Variants in PCTP observed in about 807,000 individuals in gnomAD.
PCTP encodes START domain-containing protein 2.
Under a neutral mutation model 31.0 loss-of-function variants are expected in PCTP, and 27 were observed. That is an observed-to-expected ratio of 0.87 (90% CI 0.64 to 1.20). PCTP has a LOEUF of 1.20. Ranked by LOEUF, PCTP falls within the 50% of genes most tolerant of loss-of-function variation. The pLI is 0.00. For missense variants in PCTP, 287 were observed against 268.2 expected (o/e 1.07, Z -0.49); for synonymous variants, 108 against 101.2 (o/e 1.07, Z -0.40).
downstream of PCTP, among the ~76,000 whole-genome samples, chr17:55,781,916 TG>T (rs1173778108): frequency 1.8e-5 from 2 of 109,656 alleles, no homozygotes; most frequent in Non-Finnish European, 4.3e-5. Context: ...CACCTGATTG[TG>T]TGTGTGTGTG....
At chr17:55,764,119 G>T (rs527554413) in intron 1 of PCTP, among the ~76,000 whole-genome samples, 1 of 152,156 alleles carries the variant, frequency 6.6e-6, no homozygotes, top group Non-Finnish European at 1.5e-5. Context: ...AGTCACTATG[G>T]GTTGTAACTA....
At chr17:55,846,385 G>A (rs1220031958), downstream of PCTP, among the ~76,000 whole-genome samples, 2 of 152,318 alleles carry the variant, frequency 1.3e-5, no homozygotes, top group Admixed American at 6.5e-5. Flanking sequence ...TTGAGGATTC[G>A]TGGGGATATC....
At chr17:55,793,913 T>A (rs1249733794) in intron 3 of PCTP, among the ~76,000 whole-genome samples, 1 of 152,046 alleles carries the variant, frequency 6.6e-6, no homozygotes, top group African/African-American at 2.4e-5. Context: ...AGTAGCGGAA[T>A]TGAATTTGAA....
At chr17:55,751,359 C>G (rs536986507) in intron 1 of PCTP, 115 bp downstream of exon 1, 1 of 1,528,288 alleles carries the variant, frequency 6.5e-7, no homozygotes, top group Admixed American at 2.0e-5. Flanking sequence ...TTCTCCGGCT[C>G]AGGAAGGAGC....
At chr17:55,833,050 C>T (rs891065024) in intron 5 of PCTP, among the ~76,000 whole-genome samples, 6 of 152,158 alleles carry the variant, frequency 3.9e-5, no homozygotes, top group African/African-American at 1.4e-4. Flanking sequence ...CCACTCTGTC[C>T]TTCAGAGGGG....
At chr17:55,760,153 T>A (rs1197811139) in intron 1 of PCTP, among the ~76,000 whole-genome samples, 1 of 152,184 alleles carries the variant, frequency 6.6e-6, no homozygotes, top group South Asian at 2.1e-4. Flanking sequence ...ATTTCTTCAC[T>A]TATAAAGTGG....
chr17:55,803,892 C>CAAAAA lies in PCTP; in HGVS notation c.317+16247_317+16251dup, dbSNP rs35044645. Among the ~76,000 whole-genome samples, 58 of 126,522 alleles carry CAAAAA rather than the reference C, an allele frequency of 4.6e-4. 1 individual carries two copies. The highest frequency in any genetic ancestry group is 1.5e-3 in the African/African-American group (52 of 34,938). 83.0% of individuals were successfully genotyped at this position (126,522 alleles called of 152,430 possible). On this transcript the variant is annotated intron_variant, in intron 3 of 3. Transcript: ENST00000572536. ...ATTAAACTAAAGAGCTTCTGCAGAG[C>CAAAAA]AAAAAAAAAAAAACCAGGATCAGAG... is the stretch of plus-strand genomic sequence containing the variant.
intron 2 of PCTP, among the ~76,000 whole-genome samples, chr17:55,786,420 A>G (rs1264086003): frequency 6.6e-6 from 1 of 152,254 alleles, no homozygotes; most frequent in African/African-American, 2.4e-5. Flanking sequence ...TAATGGGTGC[A>G]GCACACCAAC....
At chr17:55,813,956 C>A (rs749382540) in intron 3 of PCTP, among the ~76,000 whole-genome samples, 1 of 151,566 alleles carries the variant, frequency 6.6e-6, no homozygotes, top group East Asian at 1.9e-4. Context: ...GTGGGAGGAT[C>A]ACTTGAGCCT....
intron 1 of PCTP, among the ~76,000 whole-genome samples, chr17:55,758,511 C>A (rs1191289965): frequency 3.9e-5 from 6 of 152,214 alleles, no homozygotes; most frequent in African/African-American, 4.8e-5. Flanking sequence ...AGCCAATTAG[C>A]ATCATGAGCC....
chr17:55,779,901 C>T (rs1417187932), downstream of PCTP, among the ~76,000 whole-genome samples: 1 of 152,170 alleles, frequency 6.6e-6, no homozygotes, highest in African/African-American at 2.4e-5. Context: ...TGCACATCCC[C>T]TCTGTCTCTA....
At chr17:55,791,396 A>G (rs1191945121) in intron 3 of PCTP, among the ~76,000 whole-genome samples, 1 of 147,180 alleles carries the variant, frequency 6.8e-6, no homozygotes, top group Non-Finnish European at 1.5e-5. Context: ...AAATTTTCGC[A>G]ACCTACTCAT....
chr17:55,845,939 T>TGTGTGTGTGTGTGTGTGTGTG (rs1906141490), downstream of PCTP, among the ~76,000 whole-genome samples: 2 of 151,712 alleles, frequency 1.3e-5, no homozygotes, highest in South Asian at 2.1e-4. Context: ...TGTGTGTGTG[T>TGTGTGTGTGTGTGTGTGTGTG]TCCCAAATAT....
chr17:55,800,565 G>T (rs146788417), intron 3 of PCTP, among the ~76,000 whole-genome samples: 4,075 of 151,974 alleles, frequency 0.027, 182 homozygotes, highest in African/African-American at 0.094. Flanking sequence ...ACCTTCTGAA[G>T]CCTACTTCTG....
At chr17:55,760,618 CACAG>C (rs1442218065) in intron 1 of PCTP, among the ~76,000 whole-genome samples, 3 of 152,198 alleles carry the variant, frequency 2.0e-5, no homozygotes, top group Non-Finnish European at 4.4e-5. Flanking sequence ...AAAAACTTGG[CACAG>C]TACCTCATCT....
In PCTP at chr17:55,774,929, C is replaced by A. The variant is rs980377054; in HGVS notation, c.579+70C>A. On this transcript the variant is annotated intron_variant, in intron 5 of 5. Coordinates refer to ENST00000268896, the MANE Select transcript of PCTP (RefSeq NM_021213.4). ...GTTTGACAAATGTTGACTTAGCCCG[C>A]GGGGCTGTCAGGCTGAAGAGACACA... 3.4e-6 allele frequency: 5 copies of A among 1,473,568 alleles called. No homozygotes were observed. The African/African-American group carries it at 4.2e-5, about 12-fold the overall frequency. The allele number at this position is 1,473,568 out of a possible 1,614,324, so 91.3% of individuals were successfully genotyped here.
chr17:55,845,898 G>T (rs1906137353), downstream of PCTP, among the ~76,000 whole-genome samples: 1 of 151,030 alleles, frequency 6.6e-6, no homozygotes, highest in East Asian at 1.9e-4. Context: ...GTGTGTGTGT[G>T]TGTGTGTGTG....
intron 1 of PCTP, among the ~76,000 whole-genome samples, chr17:55,753,935 G>A (rs778272670): frequency 1.1e-4 from 17 of 152,204 alleles, no homozygotes; most frequent in African/African-American, 3.1e-4. Context: ...GGGATGGACC[G>A]TCTTAGGAGG....
chr17:55,751,473 C>G, intron 1 of PCTP: 1 of 1,531,044 alleles, frequency 6.5e-7, no homozygotes, highest in Non-Finnish European at 8.7e-7. Context: ...GGAGTTCAGC[C>G]TCAGGTCAGG....
Sources: gnomAD v4.1 joint callset for allele counts (sites outside exome capture counted in the v4.1 genomes callset) on GRCh38, gnomAD v4.1.1 for gene constraint, MANE v1.5 for transcripts, NCBI Gene and HGNC (gene_info 2026-07-23, HGNC 2026-07-21) for gene names.